Variants in WIPF3 observed in about 807,000 individuals in gnomAD.
The protein encoded by WIPF3 is WAS/WASL interacting protein family member 3.
WIPF3 carries 33 observed loss-of-function variants against 38.9 expected under a neutral mutation model. That is an observed-to-expected ratio of 0.85 (90% CI 0.64 to 1.14). The LOEUF is 1.14. WIPF3 is among the 50% of genes most tolerant of loss of function. The probability of loss-of-function intolerance (pLI) is 0.00; values close to 1 mark genes in which losing one functional copy is unlikely to be tolerated. For missense variants in WIPF3, 711 were observed against 652.5 expected, an observed-to-expected ratio of 1.09 and a Z score of -0.98; for synonymous variants, 324 against 269.3, an observed-to-expected ratio of 1.20 and a Z score of -1.99.
chr7:29,885,896 A>G (rs909967413), intron 5 of WIPF3, among the ~76,000 whole-genome samples: 3 of 152,216 alleles, frequency 2.0e-5, no homozygotes, highest in African/African-American at 7.2e-5. Context: ...GGTTTCTTCA[A>G]TTCTTTTTTC....
At chr7:29,808,094 T>C (rs960648526) in intron 1 of WIPF3, among the ~76,000 whole-genome samples, 1 of 152,252 alleles carries the variant, frequency 6.6e-6, no homozygotes, top group Admixed American at 6.5e-5. Context: ...GCTTCTCACC[T>C]TGACCTAAGA....
intron 2 of WIPF3, among the ~76,000 whole-genome samples, chr7:29,875,396 C>T (rs1187068904): frequency 2.6e-5 from 4 of 152,142 alleles, no homozygotes; most frequent in Non-Finnish European, 5.9e-5. Context: ...TGACAGGGCA[C>T]AGGAGCAACT....
chr7:29,835,740 G>T (rs77865200), intron 2 of WIPF3, among the ~76,000 whole-genome samples: 5,391 of 152,188 alleles, frequency 0.035, 271 homozygotes, highest in African/African-American at 0.1. Context: ...CATCCGCTCC[G>T]CAGCTTCTGT....
chr7:29,843,152 A>AC (rs2128067107), intron 2 of WIPF3, among the ~76,000 whole-genome samples: 1 of 152,378 alleles, frequency 6.6e-6, no homozygotes, highest in South Asian at 2.1e-4. Flanking sequence ...AGGAGCAGGA[A>AC]CATGGCTTTA....
chr7:29,807,934 T>C lies in WIPF3; in HGVS notation c.-58+1256T>C, dbSNP rs1039290982. Among the ~76,000 whole-genome samples the C allele has an allele frequency of 2.0e-5, 3 of 152,190 alleles. No individual in the cohort carries two copies. In the South Asian group the frequency reaches 6.2e-4, roughly 32 times the overall value. ...TTCTTGTGCCCAGCATTAATAGTTA[T>C]CACTGGGACTCCTGCCTCCCTTCAA... On this transcript the variant is annotated intron_variant, in intron 1 of 8. Coordinates refer to ENST00000242140, the MANE Select transcript of WIPF3 (RefSeq NM_001080529.3).
intron 1 of WIPF3, among the ~76,000 whole-genome samples, chr7:29,816,072 G>A (rs544130885): frequency 1.1e-4 from 16 of 152,060 alleles, no homozygotes; most frequent in African/African-American, 2.9e-4. Flanking sequence ...CTCCTAATTC[G>A]GATAGTTCAA....
intron 1 of WIPF3, among the ~76,000 whole-genome samples, chr7:29,814,327 A>G (rs1784425447): frequency 1.3e-5 from 2 of 152,158 alleles, no homozygotes; most frequent in African/African-American, 4.8e-5. Flanking sequence ...GCACATAGTA[A>G]CCTTCAGTAA....
At chr7:29,862,004 G>A (rs760895579) in intron 2 of WIPF3, among the ~76,000 whole-genome samples, 9 of 152,186 alleles carry the variant, frequency 5.9e-5, no homozygotes, top group Admixed American at 5.2e-4. Context: ...TGGCATTTGG[G>A]GAAGATTTAT....
chr7:29,854,704 C>T (rs186459357), intron 2 of WIPF3, among the ~76,000 whole-genome samples: 2 of 152,162 alleles, frequency 1.3e-5, no homozygotes, highest in Non-Finnish European at 2.9e-5. Flanking sequence ...GCCTGTGACT[C>T]GGTCGTAGAC....
chr7:29,840,455 T>G (rs1234887823), intron 2 of WIPF3, among the ~76,000 whole-genome samples: 1 of 152,228 alleles, frequency 6.6e-6, no homozygotes, highest in Non-Finnish European at 1.5e-5. Context: ...GTTTTTAACT[T>G]TTTTAAAAAT....
chr7:29,820,922 A>G (rs1415349084), intron 1 of WIPF3, among the ~76,000 whole-genome samples: 1 of 152,152 alleles, frequency 6.6e-6, no homozygotes, highest in South Asian at 2.1e-4. Context: ...TGCAAGTTAC[A>G]TTTTTCCATT....
Position 29,904,526 on chromosome 7 carries a change from C to G in WIPF3, c.1428+164C>G, listed in dbSNP as rs1029810978. 1.1e-5 allele frequency: 7 copies of G among 629,186 alleles called. No homozygotes were observed. In the African/African-American group the frequency reaches 1.3e-4, roughly 12 times the overall value. The allele number at this position is 629,186 out of a possible 1,614,324, so 39.0% of individuals were successfully genotyped here. On this transcript the variant is annotated intron_variant, in intron 8 of 8. Coordinates refer to ENST00000242140, the MANE Select transcript of WIPF3 (RefSeq NM_001080529.3). ...GACCTTTTTTCAAGCCAGAATGAAA[C>G]ACTCACCATTTCAAAATCTGAAGTG...
At chr7:29,913,809 A>G (rs1786550659) in intron 8 of WIPF3, among the ~76,000 whole-genome samples, 1 of 152,226 alleles carries the variant, frequency 6.6e-6, no homozygotes, top group African/African-American at 2.4e-5. Flanking sequence ...TCCAGGGACA[A>G]GAATCCTCCT....
chr7:29,905,555 C>G (rs570951027), intron 8 of WIPF3: 11 of 152,316 alleles, frequency 7.2e-5, no homozygotes, highest in South Asian at 2.1e-4. Context: ...CTCCACCCCC[C>G]ACCCCATGGC....
intron 6 of WIPF3, among the ~76,000 whole-genome samples, chr7:29,888,846 C>A (rs1340788564): frequency 6.6e-6 from 1 of 152,202 alleles, no homozygotes; most frequent in African/African-American, 2.4e-5. Flanking sequence ...CCACCCTAGA[C>A]ACAGGCCATG....
At chr7:29,894,138 T>C (rs116273459) in intron 7 of WIPF3, among the ~76,000 whole-genome samples, 1,648 of 152,296 alleles carry the variant, frequency 0.011, 33 homozygotes, top group African/African-American at 0.038. Context: ...CCTAAAAACC[T>C]CTTTCTGCTC....
intron 1 of WIPF3, among the ~76,000 whole-genome samples, chr7:29,821,377 C>T (rs984576474): frequency 2.0e-5 from 3 of 152,170 alleles, no homozygotes; most frequent in African/African-American, 7.2e-5. Flanking sequence ...TTACTGCAGC[C>T]TCCACCTTCT....
intron 2 of WIPF3, among the ~76,000 whole-genome samples, chr7:29,868,940 C>T (rs1224758703): frequency 6.6e-6 from 1 of 152,130 alleles, no homozygotes; most frequent in Non-Finnish European, 1.5e-5. Flanking sequence ...CATCATTATG[C>T]AGAGAATGTG....
intron 4 of WIPF3, among the ~76,000 whole-genome samples, chr7:29,882,832 A>G (rs1337962584): frequency 2.6e-5 from 4 of 151,924 alleles, no homozygotes; most frequent in Non-Finnish European, 4.4e-5. Context: ...AGGGGAAAAC[A>G]CCCCCCAGAA....
Sources: allele counts gnomAD v4.1 joint callset (sites outside exome capture counted in the v4.1 genomes callset), GRCh38; gene constraint gnomAD v4.1.1; transcripts MANE v1.5; gene names NCBI Gene and HGNC (gene_info 2026-07-23, HGNC 2026-07-21).